ANKDD1A: variants seen among roughly 807,000 people sequenced by gnomAD.
The protein encoded by ANKDD1A is ankyrin repeat and death domain containing 1A, also known as ankyrin repeat and death domain-containing protein 1A.
Under a neutral mutation model 63.5 loss-of-function variants are expected in ANKDD1A, and 59 were observed. The observed-to-expected ratio is 0.93, with a 90% CI of 0.75 to 1.15. ANKDD1A has a LOEUF of 1.15. ANKDD1A is among the 50% of genes most tolerant of loss of function. The pLI is 0.00. For missense variants in ANKDD1A, 632 were observed against 656.4 expected, an observed-to-expected ratio of 0.96 and a Z score of 0.41; for synonymous variants, 266 against 263.9, an observed-to-expected ratio of 1.01 and a Z score of -0.08.
At chr15:64,925,570 G>A (rs2085040148) in intron 4 of ANKDD1A, among the ~76,000 whole-genome samples, 1 of 152,106 alleles carries the variant, frequency 6.6e-6, no homozygotes, top group Admixed American at 6.5e-5. Context: ...ACATACACTG[G>A]TCACTTGGTC....
At chr15:64,940,973 G>A (rs1447196386) in intron 9 of ANKDD1A, among the ~76,000 whole-genome samples, 1 of 152,126 alleles carries the variant, frequency 6.6e-6, no homozygotes, top group African/African-American at 2.4e-5. Context: ...GAACTCCTGG[G>A]CTCAAGTGGT....
At chr15:64,937,963 A>G (rs28889694) in intron 9 of ANKDD1A, among the ~76,000 whole-genome samples, 8,804 of 152,174 alleles carry the variant, frequency 0.058, 874 homozygotes, top group African/African-American at 0.2. Flanking sequence ...GGAGCACTCC[A>G]TTAAAAAACG....
At chr15:64,945,605 A>AATTTATATATATATATATATAT (rs2085215731) in intron 12 of ANKDD1A, among the ~76,000 whole-genome samples, 1 of 3,818 alleles carries the variant, frequency 2.6e-4, no homozygotes, top group African/African-American at 7.4e-4. Context: ...ATGCATTTTC[A>AATTTATATATATATATATATAT]ACATATATAT....
Position 64,928,754 on chromosome 15 carries a change from C to T in ANKDD1A, c.570+1755C>T, listed in dbSNP as rs141357386. On this transcript the variant is annotated intron_variant, in intron 6 of 14. Coordinates refer to ENST00000319580, the MANE Select transcript of ANKDD1A (RefSeq NM_182703.6). The stretch of plus-strand genomic sequence containing the variant: ...TCACAGAAGTGGAGATGCTGGACAT[C>T]CCCAAGGTGGAGGGGAGAGGGCCCC... Among the ~76,000 whole-genome samples the T allele has an allele frequency of 4.6e-5, 7 of 152,322 alleles. No homozygotes were observed. The East Asian group carries it at 1.4e-3, about 29-fold the overall frequency.
intron 10 of ANKDD1A, among the ~76,000 whole-genome samples, chr15:64,943,089 TC>T (rs2085196913): frequency 6.6e-6 from 1 of 152,236 alleles, no homozygotes; most frequent in African/African-American, 2.4e-5. Flanking sequence ...TGCTGGGAAC[TC>T]AGCCTTGAGA....
At chr15:64,924,147 C>T (rs1212181828) in intron 4 of ANKDD1A, among the ~76,000 whole-genome samples, 1 of 152,232 alleles carries the variant, frequency 6.6e-6, no homozygotes, top group Non-Finnish European at 1.5e-5. Flanking sequence ...TGGAGGGTCT[C>T]ACTCACATGT....
chr15:64,941,777 T>C (rs753245589), intron 9 of ANKDD1A, among the ~76,000 whole-genome samples: 2 of 152,200 alleles, frequency 1.3e-5, no homozygotes, highest in Non-Finnish European at 2.9e-5. Context: ...CTCTTTGTCA[T>C]TTACTCAGGG....
At chr15:64,948,814 A>G (rs1308645050) in intron 13 of ANKDD1A, among the ~76,000 whole-genome samples, 1 of 152,016 alleles carries the variant, frequency 6.6e-6, no homozygotes, top group Non-Finnish European at 1.5e-5. Context: ...GGACAGAGTG[A>G]GACTCTGTCT....
rs780358512 is a variant in ANKDD1A, at chr15:64,934,160, G to T, written c.793G>T (p.Ala265Ser). 26 of 1,611,702 alleles carry T rather than the reference G, an allele frequency of 1.6e-5. No individual in the cohort carries two copies. Among genetic ancestry groups the T allele is most frequent in the Non-Finnish European group, 2.2e-5 (26 of 1,178,826 alleles). The change falls in exon 9 of 15, where the codon GCA becomes TCA. Residue 265 changes from alanine to serine, a missense_variant. Physicochemically the swap from Ala to Ser is moderately conservative, Grantham distance 99 (BLOSUM62 1). Transcript: ENST00000319580. ...TQKNLSCLHYAALSGSEDVSR... is the reference protein window; with the variant it reads ...TQKNLSCLHYSALSGSEDVSR... ...GAAAAACCTAAGCTGCCTTCACTATGCAGCCCTCAGTGGCTCGGAGGATGT... is the reference window on the plus strand; with the variant it reads ...GAAAAACCTAAGCTGCCTTCACTATTCAGCCCTCAGTGGCTCGGAGGATGT...
intron 6 of ANKDD1A, among the ~76,000 whole-genome samples, chr15:64,929,408 A>G (rs2085071365): frequency 6.6e-6 from 1 of 152,144 alleles, no homozygotes; most frequent in Non-Finnish European, 1.5e-5. Flanking sequence ...GGCTCAAGCT[A>G]TCTGCCCACC....
intron 4 of ANKDD1A, among the ~76,000 whole-genome samples, chr15:64,923,009 C>T (rs747369811): frequency 6.6e-6 from 1 of 152,100 alleles, no homozygotes; most frequent in African/African-American, 2.4e-5. Context: ...AGTAAGGAAA[C>T]ACATATGTTA....
At chr15:64,948,555 T>A (rs756608648) in intron 13 of ANKDD1A, among the ~76,000 whole-genome samples, 2 of 152,164 alleles carry the variant, frequency 1.3e-5, no homozygotes, top group Non-Finnish European at 2.9e-5. Context: ...TCAGGCATAG[T>A]GGCTCCCACC....
At chr15:64,936,235 C>T (rs2085131012) in intron 9 of ANKDD1A, among the ~76,000 whole-genome samples, 1 of 151,834 alleles carries the variant, frequency 6.6e-6, no homozygotes, top group Non-Finnish European at 1.5e-5. Flanking sequence ...AAAGCAAGGA[C>T]TTTTTTTTAA....
intron 14 of ANKDD1A, among the ~76,000 whole-genome samples, chr15:64,954,354 T>TC (rs2085382337): frequency 3.6e-4 from 9 of 24,888 alleles, no homozygotes; most frequent in South Asian, 1.8e-3. Context: ...CTCCTTCTTC[T>TC]CTTCTTCTCC....
At chr15:64,914,362 T>C (rs911672253) in intron 1 of ANKDD1A, among the ~76,000 whole-genome samples, 7 of 152,216 alleles carry the variant, frequency 4.6e-5, no homozygotes, top group Non-Finnish European at 8.8e-5. Context: ...TTATAGCTCA[T>C]TGGCAGCCTC....
At chr15:64,923,888 G>C (rs2085026398) in intron 4 of ANKDD1A, among the ~76,000 whole-genome samples, 1 of 152,238 alleles carries the variant, frequency 6.6e-6, no homozygotes. Flanking sequence ...GAATGAGGGA[G>C]GCGGGGTCTT....
intron 9 of ANKDD1A, among the ~76,000 whole-genome samples, chr15:64,939,536 G>A (rs193122673): frequency 6.6e-6 from 1 of 152,236 alleles, no homozygotes; most frequent in Admixed American, 6.5e-5. Context: ...GATCATATGA[G>A]CCCAAGGGTT....
At chr15:64,915,293 G>T (rs144390684) in intron 1 of ANKDD1A, among the ~76,000 whole-genome samples, 21 of 152,300 alleles carry the variant, frequency 1.4e-4, no homozygotes, top group Admixed American at 1.2e-3. Flanking sequence ...CAACAGAGGG[G>T]TTGGAAGAAG....
intron 9 of ANKDD1A, 60 bp downstream of exon 9, chr15:64,934,294 G>A: frequency 6.6e-7 from 1 of 1,504,720 alleles, no homozygotes; most frequent in Non-Finnish European, 9.1e-7. Context: ...TGAGCACACT[G>A]ATGAAGCACA....
Sources: gnomAD v4.1 joint callset for allele counts (sites outside exome capture counted in the v4.1 genomes callset) on GRCh38, gnomAD v4.1.1 for gene constraint, MANE v1.5 for transcripts, NCBI Gene and HGNC (gene_info 2026-07-23, HGNC 2026-07-21) for gene names.